ITGA1: variants seen among roughly 807,000 people sequenced by gnomAD.
ITGA1 encodes the protein integrin alpha-1.
In ITGA1, 85 loss-of-function variants were observed where a neutral mutation model predicts 145.9. The observed-to-expected ratio is 0.58, with a 90% CI of 0.49 to 0.70. The LOEUF (loss-of-function observed/expected upper bound fraction) is 0.70, where lower values mean the gene tolerates loss of function less well. ITGA1 is among the 30% of genes least tolerant of loss of function. ITGA1 has a pLI of 0.00. For missense variants in ITGA1, 1,351 were observed against 1,418.7 expected (o/e 0.95, Z 0.77); for synonymous variants, 520 against 495.3 (o/e 1.05, Z -0.66).
At chr5:52,943,483 G>A (rs1021666673) in intron 26 of ITGA1, among the ~76,000 whole-genome samples, 30 of 152,182 alleles carry the variant, frequency 2.0e-4, no homozygotes, top group Non-Finnish European at 5.9e-5. Flanking sequence ...GGGCAATTAA[G>A]GGTAATGGGC....
At chr5:52,949,073 C>T (rs937917898) in intron 28 of ITGA1, among the ~76,000 whole-genome samples, 1 of 151,976 alleles carries the variant, frequency 6.6e-6, no homozygotes, top group Admixed American at 6.6e-5. Flanking sequence ...ATTGCAGGCC[C>T]AAAAGAAGAT....
chr5:52,931,356 C>T (rs941510609), intron 21 of ITGA1: 1 of 152,118 alleles, frequency 6.6e-6, no homozygotes, highest in African/African-American at 2.4e-5. Flanking sequence ...TGTCCAAGAA[C>T]AATCTCATTC....
At chr5:52,868,340 C>T (rs1749721949) in intron 6 of ITGA1, among the ~76,000 whole-genome samples, 1 of 152,160 alleles carries the variant, frequency 6.6e-6, no homozygotes, top group South Asian at 2.1e-4. Flanking sequence ...CCATACGGCT[C>T]TTTTAGAACA....
At chr5:52,818,718 A>G (rs1580045972) in intron 1 of ITGA1, among the ~76,000 whole-genome samples, 1 of 152,194 alleles carries the variant, frequency 6.6e-6, no homozygotes, top group Admixed American at 6.5e-5. Context: ...GAGCAAGCCA[A>G]CTTAATCAGT....
chr5:52,818,868 A>C (rs6887358), intron 1 of ITGA1, among the ~76,000 whole-genome samples: 46,575 of 151,942 alleles, frequency 0.31, 7,745 homozygotes, highest in African/African-American at 0.45. Flanking sequence ...TGGAAGACTA[A>C]TAACTAGGTA....
At chr5:52,920,233 C>A in intron 16 of ITGA1, 99 bp from the exon 17 acceptor site, 2 of 904,940 alleles carry the variant, frequency 2.2e-6, no homozygotes, top group Non-Finnish European at 3.2e-6. Flanking sequence ...TGATTGATTG[C>A]CAAAGAGATT....
rs1243402709 is a variant in ITGA1, at chr5:52,958,918, G to C, written c.*6467G>C. 1 of 152,084 alleles carries C rather than the reference G, an allele frequency of 6.6e-6. No homozygotes were observed. The highest frequency in any genetic ancestry group is 1.5e-5 in the Non-Finnish European group (1 of 67,996). 9.4% of individuals were successfully genotyped at this position (152,084 alleles called of 1,614,324 possible). On this transcript the variant is annotated 3_prime_UTR_variant, in exon 29 of 29. Coordinates refer to ENST00000282588, the MANE Select transcript of ITGA1 (RefSeq NM_181501.2). ...TGTTTCGATTGCATTCAGGAACAAAGAAGCATAACCTTTGTTGACTCTTGT... is the reference window on the plus strand; with the variant it reads ...TGTTTCGATTGCATTCAGGAACAAACAAGCATAACCTTTGTTGACTCTTGT...
intron 19 of ITGA1, among the ~76,000 whole-genome samples, chr5:52,926,295 G>C (rs1750807932): frequency 6.6e-6 from 1 of 151,848 alleles, no homozygotes; most frequent in African/African-American, 2.4e-5. Context: ...ACTATATTTT[G>C]GATTCAACTA....
intron 11 of ITGA1, chr5:52,904,570 G>A (rs1052226427): frequency 1.3e-5 from 2 of 152,132 alleles, no homozygotes; most frequent in South Asian, 4.1e-4. Flanking sequence ...AAATAGAGGA[G>A]AGAACCGGGC....
At chr5:52,937,273 C>T in intron 23 of ITGA1, 128 bp from the exon 24 acceptor site, 1 of 674,918 alleles carries the variant, frequency 1.5e-6, no homozygotes, top group East Asian at 2.6e-5. Flanking sequence ...CATAAAGGAT[C>T]TACATTTGTT....
At chr5:52,901,218 G>C (rs767503933) in intron 11 of ITGA1, among the ~76,000 whole-genome samples, 1 of 152,092 alleles carries the variant, frequency 6.6e-6, no homozygotes, top group Non-Finnish European at 1.5e-5. Context: ...GATGGAGGGG[G>C]GCCACAAGCC....
intron 6 of ITGA1, among the ~76,000 whole-genome samples, chr5:52,870,967 G>A (rs1208390529): frequency 6.6e-6 from 1 of 152,196 alleles, no homozygotes; most frequent in African/African-American, 2.4e-5. Context: ...TACCAATGCA[G>A]TAATAATTTC....
intron 6 of ITGA1, among the ~76,000 whole-genome samples, chr5:52,877,731 T>A (rs145716355): frequency 6.6e-6 from 1 of 152,322 alleles, no homozygotes. Flanking sequence ...GCTGTAACGC[T>A]GCAGCTTCAA....
chr5:52,911,324 TGTATATAGTGTATATATA>T lies in ITGA1; in HGVS notation c.1857+926_1857+943del, dbSNP rs1180823971. 8.9e-5 allele frequency among the ~76,000 whole-genome samples: 12 copies of T among 134,442 alleles called. No homozygotes were observed. The South Asian group carries it at 2.3e-3, about 26-fold the overall frequency. 88.2% of individuals were successfully genotyped at this position (134,442 alleles called of 152,430 possible). ...TATATAGTATATAGTGTATATATAG[TGTATATAGTGTATATATA>T]GTATATAGTGTATATATAGTGTATA... is the stretch of plus-strand genomic sequence containing the variant. On this transcript the variant is annotated intron_variant, in intron 14 of 28. Transcript: ENST00000282588.
chr5:52,937,431 G>A lies in ITGA1; in HGVS notation c.2995G>A (p.Glu999Lys), dbSNP rs1198236251. The change falls in exon 24 of 29, where the codon GAG becomes AAG. Residue 999 changes from glutamate (E) to lysine (K), a missense_variant. By Grantham distance (56) the Glu-to-Lys change is moderately conservative. Transcript: ENST00000282588. ...AAAAAGTGGATCTTTTCCAATGCCA[G>A]AGCTTAAGCTGTCAATTTCATTCCC... is the stretch of plus-strand genomic sequence containing the variant. ...IRKSGSFPMP[E>K]LKLSISFPNM... is the part of the protein sequence containing the mutation. The A allele has an allele frequency of 6.2e-7, 1 of 1,613,244 alleles. No individual in the cohort carries two copies.
At position 52,887,841 on chromosome 5, in the gene ITGA1, G is replaced by A; in HGVS notation, c.800G>A (p.Gly267Asp). ...ARKEAFTEAR[G>D]ARRGVKKVMV... ...AAGGAGGCATTCACGGAAGCCCGGG[G>A]TGCCCGAAGAGGAGTTAAAAAAGTC... Residue 267 changes from glycine (G) to aspartate (D), a missense_variant, in exon 8 of 29, where the codon GGT (glycine) becomes GAT (aspartate). Physicochemically the swap from Gly to Asp is moderately conservative, Grantham distance 94. Transcript: ENST00000282588. 6.2e-7 allele frequency: 1 copy of A among 1,613,406 alleles called. No individual in the cohort carries two copies.
chr5:52,850,805 C>A (rs1024123423), intron 2 of ITGA1, among the ~76,000 whole-genome samples: 1 of 152,130 alleles, frequency 6.6e-6, no homozygotes, highest in South Asian at 2.1e-4. Context: ...TCCCTCCCTC[C>A]TATACTCTCC....
chr5:52,919,831 A>G (rs1357140158), intron 16 of ITGA1, among the ~76,000 whole-genome samples: 3 of 152,160 alleles, frequency 2.0e-5, no homozygotes, highest in Non-Finnish European at 4.4e-5. Context: ...TGCTTATTTT[A>G]TTGAACCTTA....
At chr5:52,913,319 T>C (rs1390648609) in intron 14 of ITGA1, among the ~76,000 whole-genome samples, 1 of 152,184 alleles carries the variant, frequency 6.6e-6, no homozygotes, top group Non-Finnish European at 1.5e-5. Flanking sequence ...TTATAATAAA[T>C]TGCATTAAAT....
Sources: allele counts gnomAD v4.1 joint callset (sites outside exome capture counted in the v4.1 genomes callset), GRCh38; gene constraint gnomAD v4.1.1; transcripts MANE v1.5; gene names NCBI Gene and HGNC (gene_info 2026-07-23, HGNC 2026-07-21).